Variants in PTPRN2 observed in about 807,000 individuals in gnomAD.
The protein encoded by PTPRN2 is receptor-type tyrosine-protein phosphatase N2.
Under a neutral mutation model 118.8 loss-of-function variants are expected in PTPRN2, and 74 were observed. The observed-to-expected ratio is 0.62, with a 90% CI of 0.52 to 0.76. The LOEUF (loss-of-function observed/expected upper bound fraction) is 0.76. Among genes scored for constraint, PTPRN2 ranks in the 30% least tolerant of loss-of-function variants. The pLI, the probability that PTPRN2 is intolerant of heterozygous loss-of-function variation, is 0.00. For synonymous variants in PTPRN2, 641 were observed against 608.0 expected, an observed-to-expected ratio of 1.05 and a Z score of -0.80; for missense variants, 1,481 against 1,394.4, an observed-to-expected ratio of 1.06 and a Z score of -0.99.
chr7:158,261,272 G>A (rs892968978), intron 3 of PTPRN2, among the ~76,000 whole-genome samples: 2 of 152,108 alleles, frequency 1.3e-5, no homozygotes, highest in African/African-American at 2.4e-5. Flanking sequence ...AGAAGCTCCC[G>A]GAAAGATGGG....
intron 12 of PTPRN2, among the ~76,000 whole-genome samples, chr7:157,736,848 A>G (rs887525018): frequency 1.1e-4 from 16 of 152,206 alleles, no homozygotes. Context: ...CAATCCCACC[A>G]GTGCCCGGCT....
rs541024926 is a variant in PTPRN2, at chr7:158,019,151, C to T, written c.1723+62147G>A. Among the ~76,000 whole-genome samples, 231 of 152,354 alleles carry T rather than the reference C, an allele frequency of 1.5e-3. 2 individuals are homozygous for T. The highest frequency in any genetic ancestry group is 5.3e-3 in the African/African-American group (221 of 41,580). Reference sequence around the variant, plus strand: ...TGCAGCCGGACCACCGAAGGGCTCACGCAGGCCCATCCTCCCACCACGGGC... The same window carrying T: ...TGCAGCCGGACCACCGAAGGGCTCATGCAGGCCCATCCTCCCACCACGGGC... On this transcript the variant is annotated intron_variant, in intron 11 of 22. Transcript: ENST00000389418.
At chr7:158,332,795 C>T (rs1373615929) in intron 2 of PTPRN2, among the ~76,000 whole-genome samples, 12 of 149,402 alleles carry the variant, frequency 8.0e-5, no homozygotes, top group Non-Finnish European at 1.3e-4. Context: ...AGAGCTGATG[C>T]CTGCAGACGT....
intron 12 of PTPRN2, among the ~76,000 whole-genome samples, chr7:157,693,394 C>T (rs1797613986): frequency 6.6e-6 from 1 of 152,092 alleles, no homozygotes; most frequent in Non-Finnish European, 1.5e-5. Context: ...CTGGGAGCGC[C>T]CTAGGGTCTG....
intron 12 of PTPRN2, among the ~76,000 whole-genome samples, chr7:157,683,968 T>C (rs916110569): frequency 6.6e-6 from 1 of 152,098 alleles, no homozygotes; most frequent in Non-Finnish European, 1.5e-5. Context: ...AAAATGGATT[T>C]TTCCCCATGA....
intron 11 of PTPRN2, among the ~76,000 whole-genome samples, chr7:157,910,214 CGTACACCGT>C (rs1324637670): frequency 6.6e-6 from 1 of 151,642 alleles, no homozygotes; most frequent in East Asian, 1.9e-4. Flanking sequence ...GGATCACGCA[CGTACACCGT>C]GGGAACGGGC....
rs116877926 is a variant in PTPRN2 at position 157,897,067 on chromosome 7, G to A, written c.1788+1606C>T. On this transcript the variant is annotated intron_variant, in intron 12 of 22. Transcript: ENST00000389418. ...CAGCAGAGGGTCCCAGCCTCGACGC[G>A]TTCTCTGACCAGGTTACAGAGATGG... 8.5e-3 allele frequency among the ~76,000 whole-genome samples: 1,292 copies of A among 152,162 alleles called. 19 individuals are homozygous for A. Among genetic ancestry groups the A allele is most frequent in the African/African-American group, 0.026 (1,093 of 41,496 alleles).
At chr7:157,999,092 CCCA>C (rs934897522) in intron 11 of PTPRN2, among the ~76,000 whole-genome samples, 5 of 152,060 alleles carry the variant, frequency 3.3e-5, no homozygotes, top group African/African-American at 1.2e-4. Context: ...CTACACTATG[CCCA>C]CCAAGAGGAC....
chr7:157,641,411 A>C (rs1036748000), intron 14 of PTPRN2, among the ~76,000 whole-genome samples: 1 of 152,242 alleles, frequency 6.6e-6, no homozygotes, highest in African/African-American at 2.4e-5. Flanking sequence ...AGAAAAACTT[A>C]CTTGGCAACA....
At chr7:158,477,613 C>T (rs192103443) in intron 2 of PTPRN2, among the ~76,000 whole-genome samples, 5 of 152,156 alleles carry the variant, frequency 3.3e-5, no homozygotes, top group East Asian at 3.9e-4. Context: ...AAAATAATAC[C>T]GAAGTGGGTC....
chr7:158,479,732 C>T (rs1820528319), intron 2 of PTPRN2, among the ~76,000 whole-genome samples: 1 of 152,342 alleles, frequency 6.6e-6, no homozygotes, highest in Admixed American at 6.5e-5. Context: ...GAGACCAGGT[C>T]CTGGCTGCTG....
chr7:158,554,025 G>A (rs569740695), intron 1 of PTPRN2, among the ~76,000 whole-genome samples: 21 of 152,152 alleles, frequency 1.4e-4, no homozygotes, highest in South Asian at 8.3e-4. Context: ...AGGTTTGGGA[G>A]TCTACATTGC....
intron 11 of PTPRN2, among the ~76,000 whole-genome samples, chr7:158,037,694 C>G (rs1329414340): frequency 6.6e-6 from 1 of 152,108 alleles, no homozygotes; most frequent in East Asian, 1.9e-4. Context: ...ACAGTTTTGT[C>G]CAAACTAAAC....
At chr7:158,173,931 G>A (rs1204928860) in intron 5 of PTPRN2, among the ~76,000 whole-genome samples, 2 of 152,114 alleles carry the variant, frequency 1.3e-5, no homozygotes, top group African/African-American at 2.4e-5. Flanking sequence ...CCTTTTCAGG[G>A]TGCCCTGATT....
At position 157,590,751 on chromosome 7, in the gene PTPRN2, A is replaced by T. The variant is rs931096066; in HGVS notation, c.2496+4487T>A. Reference sequence around the variant, plus strand: ...TGCTCACCGAGGGGACTTCCCCTGAACCCGTCTTCCAGGCTCCCCCCTTCT... The same window carrying T: ...TGCTCACCGAGGGGACTTCCCCTGATCCCGTCTTCCAGGCTCCCCCCTTCT... On this transcript the variant is annotated intron_variant, in intron 17 of 22. Coordinates refer to ENST00000389418, the MANE Select transcript of PTPRN2 (RefSeq NM_002847.5). The surrounding 1 kb of genome is among the most constrained non-coding windows in gnomAD (Gnocchi z 4.0). Among the ~76,000 whole-genome samples, 7 of 152,150 alleles carry T rather than the reference A, an allele frequency of 4.6e-5. No homozygotes were observed. Among genetic ancestry groups the T allele is most frequent in the Non-Finnish European group, 8.8e-5 (6 of 67,992 alleles).
At chr7:158,162,094 G>A (rs1383362166) in intron 6 of PTPRN2, among the ~76,000 whole-genome samples, 2 of 152,198 alleles carry the variant, frequency 1.3e-5, no homozygotes, top group Admixed American at 6.5e-5. Context: ...CCCAATGCAG[G>A]CGAGGATGTG....
chr7:157,871,705 T>A (rs1041862689), intron 12 of PTPRN2, among the ~76,000 whole-genome samples: 1 of 151,780 alleles, frequency 6.6e-6, no homozygotes, highest in African/African-American at 2.4e-5. Context: ...AGGGTTAACA[T>A]TTCCCTAACA....
chr7:157,604,391 C>T (rs1007262927), intron 15 of PTPRN2, among the ~76,000 whole-genome samples: 1 of 152,226 alleles, frequency 6.6e-6, no homozygotes, highest in Non-Finnish European at 1.5e-5. Context: ...GGCAGACGAA[C>T]GGCATGTGGG....
In PTPRN2 at chr7:157,560,384, G is replaced by A. The variant is rs1022667388; in HGVS notation, c.2902+8518C>T. On this transcript the variant is annotated intron_variant, in intron 21 of 22. Coordinates refer to ENST00000389418, the MANE Select transcript of PTPRN2 (RefSeq NM_002847.5). This position sits in a 1 kb window ranked among gnomAD's most constrained non-coding sequence, Gnocchi z 6.7. ...CCAGAGCGTGTTCCCCAAGACCAGC[G>A]GGTCTCATGCTGTCCACACGCTCCC... Among the ~76,000 whole-genome samples the A allele has an allele frequency of 6.6e-6, 1 of 152,130 alleles. No individual in the cohort carries two copies. The highest frequency in any genetic ancestry group is 1.5e-5 in the Non-Finnish European group (1 of 68,004).
Sources: allele counts gnomAD v4.1 joint callset (sites outside exome capture counted in the v4.1 genomes callset), GRCh38; gene constraint gnomAD v4.1.1; non-coding constraint Gnocchi (gnomAD v3.1); transcripts MANE v1.5; gene names NCBI Gene and HGNC (gene_info 2026-07-23, HGNC 2026-07-21).